HDAC9: variants seen among roughly 807,000 people sequenced by gnomAD.
HDAC9 encodes histone deacetylase 9.
In HDAC9, 41 loss-of-function variants were observed where a neutral mutation model predicts 139.4. The ratio of observed to expected loss-of-function variants is 0.29; its 90% CI spans 0.23 to 0.38. The LOEUF (loss-of-function observed/expected upper bound fraction) is 0.38, where lower values mean the gene tolerates loss of function less well. HDAC9 is among the 10% of genes least tolerant of loss of function. The pLI, the probability that HDAC9 is intolerant of heterozygous loss-of-function variation, is 1.00. For missense variants in HDAC9, 1,147 were observed against 1,297.0 expected (o/e 0.88, Z 1.78); for synonymous variants, 517 against 476.2 (o/e 1.09, Z -1.12).
intron 12 of HDAC9, chr7:18,667,963 T>C: frequency 1.0e-6 from 1 of 970,668 alleles, no homozygotes; most frequent in Non-Finnish European, 1.2e-6. Flanking sequence ...AGGTTTTTTC[T>C]ATTAAAATAT....
chr7:18,323,203 A>G (rs547340865), intron 1 of HDAC9, among the ~76,000 whole-genome samples: 1 of 152,128 alleles, frequency 6.6e-6, no homozygotes, highest in Non-Finnish European at 1.5e-5. Flanking sequence ...CAGACTCCAT[A>G]TCCACTGATT....
At position 18,774,725 on chromosome 7, in the gene HDAC9, C is replaced by T. The variant is rs764715854; in HGVS notation, c.2214+7570C>T. ...GGTTGGGTTGATCTTCTGTCTAGACCACTCAAACTTTCTCCATATCAGCAG... is the reference window on the plus strand; with the variant it reads ...GGTTGGGTTGATCTTCTGTCTAGACTACTCAAACTTTCTCCATATCAGCAG... On this transcript the variant is annotated intron_variant, in intron 16 of 25. Transcript: ENST00000686413. Among the ~76,000 whole-genome samples, 9 of 152,132 alleles carry T rather than the reference C, an allele frequency of 5.9e-5. No individual in the cohort carries two copies. In the East Asian group the frequency reaches 1.7e-3, roughly 29 times the overall value.
chr7:18,353,019 G>T (rs778264770), intron 1 of HDAC9, among the ~76,000 whole-genome samples: 11 of 152,064 alleles, frequency 7.2e-5, no homozygotes, highest in Non-Finnish European at 1.5e-4. Context: ...GCTAGTTATT[G>T]GATTTGTCAT....
At chr7:18,931,215 G>T (rs1157612870) in intron 22 of HDAC9, among the ~76,000 whole-genome samples, 1 of 152,024 alleles carries the variant, frequency 6.6e-6, no homozygotes, top group Admixed American at 6.6e-5. Context: ...TCTTGGCTCA[G>T]GGAAAGAACA....
intron 1 of HDAC9, among the ~76,000 whole-genome samples, chr7:18,451,218 C>G (rs1792790595): frequency 6.6e-6 from 1 of 152,050 alleles, no homozygotes; most frequent in Non-Finnish European, 1.5e-5. Flanking sequence ...GAGGAATGGG[C>G]CCTCACCAGA....
chr7:18,693,812 A>G (rs1388804455), intron 12 of HDAC9, among the ~76,000 whole-genome samples: 6 of 152,216 alleles, frequency 3.9e-5, no homozygotes. Context: ...CTGCCTTAAA[A>G]TGACATTTTA....
intron 25 of HDAC9, among the ~76,000 whole-genome samples, chr7:18,991,205 C>G (rs928581756): frequency 6.6e-6 from 1 of 151,676 alleles, no homozygotes; most frequent in African/African-American, 2.4e-5. Flanking sequence ...AGTATGTATA[C>G]AAAATGGTAT....
chr7:18,461,597 AC>A (rs1228292159), intron 1 of HDAC9, among the ~76,000 whole-genome samples: 1 of 152,160 alleles, frequency 6.6e-6, no homozygotes, highest in Non-Finnish European at 1.5e-5. Flanking sequence ...TGAAATTAGT[AC>A]TAGGAAAAGC....
chr7:18,221,978 G>C (rs1792738747), intron 2 of HDAC9, among the ~76,000 whole-genome samples: 1 of 152,140 alleles, frequency 6.6e-6, no homozygotes, highest in Admixed American at 6.6e-5. Context: ...AAAAAAGAAT[G>C]TCTTGTTTCC....
intron 2 of HDAC9, among the ~76,000 whole-genome samples, chr7:18,214,171 AT>A (rs1254094802): frequency 2.0e-5 from 3 of 152,226 alleles, no homozygotes; most frequent in Middle Eastern, 3.4e-3. Flanking sequence ...TTAATATAAC[AT>A]TTTTATATTA....
intron 1 of HDAC9, among the ~76,000 whole-genome samples, chr7:18,426,207 G>T (rs569555670): frequency 8.5e-5 from 13 of 152,296 alleles, no homozygotes; most frequent in African/African-American, 2.6e-4. Flanking sequence ...CTTTAGGAGA[G>T]AAATGTTCGT....
intron 16 of HDAC9, among the ~76,000 whole-genome samples, chr7:18,783,022 G>C (rs528765361): frequency 6.6e-6 from 1 of 152,164 alleles, no homozygotes; most frequent in South Asian, 2.1e-4. Context: ...AGGAGGATTT[G>C]CCCAAAGCTT....
chr7:18,985,236 C>T (rs892038096), intron 25 of HDAC9, among the ~76,000 whole-genome samples: 1 of 151,646 alleles, frequency 6.6e-6, no homozygotes, highest in Non-Finnish European at 1.5e-5. Flanking sequence ...AACCCCACAA[C>T]AGACCCCAGA....
intron 1 of HDAC9, 114 bp from the exon 2 acceptor site, chr7:18,496,148 G>T: frequency 7.1e-7 from 1 of 1,401,542 alleles, no homozygotes; most frequent in Non-Finnish European, 9.9e-7. Flanking sequence ...AACCAGCGAG[G>T]GTAGCTCCTG....
At chr7:18,821,679 A>G (rs1426613971) in intron 17 of HDAC9, among the ~76,000 whole-genome samples, 1 of 152,206 alleles carries the variant, frequency 6.6e-6, no homozygotes, top group Non-Finnish European at 1.5e-5. Flanking sequence ...GATGTCCTAC[A>G]GTTTAACTCA....
intron 1 of HDAC9, among the ~76,000 whole-genome samples, chr7:18,095,248 C>A (rs925958641): frequency 3.3e-5 from 5 of 152,032 alleles, no homozygotes; most frequent in African/African-American, 1.2e-4. Context: ...AGATCTCATT[C>A]CTCTCTGAAT....
intron 13 of HDAC9, 26 bp downstream of exon 13, chr7:18,727,783 A>G (rs56174046): frequency 8.3e-4 from 1,204 of 1,455,270 alleles, no homozygotes; most frequent in Admixed American, 4.6e-3. Flanking sequence ...GACTCTCTCT[A>G]ATAGGCAGGC....
intron 2 of HDAC9, among the ~76,000 whole-genome samples, chr7:18,173,452 A>C (rs946888087): frequency 1.3e-5 from 2 of 152,138 alleles, no homozygotes; most frequent in African/African-American, 4.8e-5. Context: ...GCCCATTTAC[A>C]TTTAAGGTTA....
At chr7:18,215,044 C>G (rs1792202676) in intron 2 of HDAC9, among the ~76,000 whole-genome samples, 1 of 152,050 alleles carries the variant, frequency 6.6e-6, no homozygotes. Context: ...TGTTTGTTAG[C>G]AAAGAGTTGG....
Sources: gnomAD v4.1 joint callset for allele counts (sites outside exome capture counted in the v4.1 genomes callset) on GRCh38, gnomAD v4.1.1 for gene constraint, MANE v1.5 for transcripts, NCBI Gene and HGNC (gene_info 2026-07-23, HGNC 2026-07-21) for gene names.